Variants in BLTP1 observed in about 807,000 individuals in gnomAD.
The protein encoded by BLTP1 is bridge-like lipid transfer protein family member 1, also known as fragile site-associated protein.
the BLTP1 span, among the ~76,000 whole-genome samples, chr4:122,233,132 A>T: frequency 6.6e-6 from 1 of 152,190 alleles, no homozygotes; most frequent in African/African-American, 2.4e-5. Context: ...GAAACTCTGG[A>T]GGTGAAGCCC....
At chr4:122,175,997 C>A in the BLTP1 span, 1 of 768,158 alleles carries the variant, frequency 1.3e-6, no homozygotes, top group Non-Finnish European at 2.2e-6. Flanking sequence ...TAGATATGAC[C>A]AGTTAGAAAA....
At chr4:122,202,622 A>G in the BLTP1 span, 2,636 of 635,630 alleles carry the variant, frequency 4.1e-3, 65 homozygotes, top group African/African-American at 0.047. Context: ...GATACCTATC[A>G]TCAAGTATTT....
chr4:122,307,361 G>A, the BLTP1 span: 1 of 578,400 alleles, frequency 1.7e-6, no homozygotes, highest in Non-Finnish European at 2.2e-6. Context: ...TGGGATTTTG[G>A]ATTTCGGATT....
the BLTP1 span, chr4:122,357,142 A>T: frequency 3.4e-6 from 2 of 587,344 alleles, no homozygotes; most frequent in Non-Finnish European, 4.3e-6. Flanking sequence ...AAAGCTGATA[A>T]ATGTTTGGAA....
At chr4:122,183,356 A>G in the BLTP1 span, 1 of 907,856 alleles carries the variant, frequency 1.1e-6, no homozygotes. Flanking sequence ...AAAAAAGCTT[A>G]AACAATTTAA....
the BLTP1 span, among the ~76,000 whole-genome samples, chr4:122,284,412 T>C: frequency 6.6e-6 from 1 of 152,312 alleles, no homozygotes; most frequent in South Asian, 2.1e-4. Context: ...AATGTACTTA[T>C]TTTCCCACTG....
chr4:122,202,158 T>G, the BLTP1 span, among the ~76,000 whole-genome samples: 1 of 152,158 alleles, frequency 6.6e-6, no homozygotes. Context: ...GATAGACTGC[T>G]TCTGCTTTCC....
At chr4:122,213,321 G>A in the BLTP1 span, among the ~76,000 whole-genome samples, 2 of 152,124 alleles carry the variant, frequency 1.3e-5, no homozygotes, top group African/African-American at 2.4e-5. Context: ...GGGATTATAG[G>A]TGTGAACCAC....
the BLTP1 span, chr4:122,200,625 T>C: frequency 3.2e-6 from 3 of 942,410 alleles, no homozygotes; most frequent in Non-Finnish European, 3.8e-6. Flanking sequence ...GAAATACTAA[T>C]GTTACTTTGT....
At chr4:122,280,982 A>T in the BLTP1 span, among the ~76,000 whole-genome samples, 3 of 152,282 alleles carry the variant, frequency 2.0e-5, no homozygotes, top group African/African-American at 7.2e-5. Context: ...GAAAAATCAG[A>T]CCCTGGAGTC....
the BLTP1 span, among the ~76,000 whole-genome samples, chr4:122,355,111 G>A: frequency 9.9e-5 from 15 of 152,174 alleles, no homozygotes; most frequent in Admixed American, 6.6e-4. Flanking sequence ...GATTATGCCT[G>A]TACTGACTAT....
the BLTP1 span, chr4:122,179,933 C>T: frequency 1.0e-6 from 1 of 984,986 alleles, no homozygotes; most frequent in African/African-American, 1.8e-5. Flanking sequence ...AGGCATATCC[C>T]CAGCAGTGAG....
At chr4:122,207,030 T>C in the BLTP1 span, 1 of 1,295,456 alleles carries the variant, frequency 7.7e-7, no homozygotes, top group Non-Finnish European at 1.1e-6. Context: ...CATTTTTGAC[T>C]GGTGTTAGAA....
the BLTP1 span, among the ~76,000 whole-genome samples, chr4:122,157,217 G>T: frequency 3.4e-4 from 52 of 152,268 alleles, no homozygotes; most frequent in African/African-American, 6.7e-4. Context: ...GGTTTAAACC[G>T]ATAAATGTTT....
chr4:122,297,446 ATTG>A, the BLTP1 span, among the ~76,000 whole-genome samples: 4 of 152,212 alleles, frequency 2.6e-5, no homozygotes, highest in African/African-American at 9.7e-5. Flanking sequence ...ATGCTTTCAC[ATTG>A]TTGGTGGGAG....
the BLTP1 span, chr4:122,200,685 T>A: frequency 1.0e-6 from 1 of 985,122 alleles, no homozygotes; most frequent in Admixed American, 6.2e-5. Flanking sequence ...GCCTGTCACT[T>A]AACAGATGAG....
chr4:122,347,744 CA>C, the BLTP1 span: 1 of 1,613,646 alleles, frequency 6.2e-7, no homozygotes, highest in Non-Finnish European at 8.5e-7. Flanking sequence ...TCCATAAGAT[CA>C]AGGAGTGTAT....
At chr4:122,249,889 G>A in the BLTP1 span, 1 of 984,814 alleles carries the variant, frequency 1.0e-6, no homozygotes, top group Non-Finnish European at 1.2e-6. Flanking sequence ...TCCAAAGTAG[G>A]TAGAGCTTGA....
chr4:122,269,752 A>G, the BLTP1 span: 2,432 of 891,372 alleles, frequency 2.7e-3, 4 homozygotes, highest in Non-Finnish European at 3.1e-3. Context: ...GTTACTAAAC[A>G]TTTAGCATTG....
Sources: allele counts gnomAD v4.1 joint callset (sites outside exome capture counted in the v4.1 genomes callset), GRCh38; gene constraint gnomAD v4.1.1; transcripts MANE v1.5; gene names NCBI Gene and HGNC (gene_info 2026-07-23, HGNC 2026-07-21).